BAIAP2L1: variants seen among roughly 807,000 people sequenced by gnomAD.
BAIAP2L1 encodes the protein BAR/IMD domain containing adaptor protein 2 like 1, also known as BAR/IMD domain-containing adapter protein 2-like 1.
Under a neutral mutation model 66.3 loss-of-function variants are expected in BAIAP2L1, and 35 were observed. That is an observed-to-expected ratio of 0.53 (90% confidence interval 0.40 to 0.70). The LOEUF is 0.70. Ranked by LOEUF, BAIAP2L1 falls within the 30% of genes least tolerant of loss-of-function variation. The pLI is 0.00. For synonymous variants in BAIAP2L1, 269 were observed against 248.7 expected, an observed-to-expected ratio of 1.08 and a Z score of -0.77; for missense variants, 622 against 656.9, an observed-to-expected ratio of 0.95 and a Z score of 0.58.
At chr7:98,350,410 C>A (rs1801974987) in intron 3 of BAIAP2L1, among the ~76,000 whole-genome samples, 1 of 152,000 alleles carries the variant, frequency 6.6e-6, no homozygotes, top group African/African-American at 2.4e-5. Flanking sequence ...GTAATCCCAG[C>A]ACTTTGGGAG....
chr7:98,300,697 G>A (rs1237667095), intron 12 of BAIAP2L1, among the ~76,000 whole-genome samples: 1 of 152,090 alleles, frequency 6.6e-6, no homozygotes, highest in Non-Finnish European at 1.5e-5. Flanking sequence ...GCACCACCGT[G>A]AGGTGCGAAG....
At chr7:98,386,455 T>C in intron 1 of BAIAP2L1, 4 of 1,597,252 alleles carry the variant, frequency 2.5e-6, no homozygotes, top group Non-Finnish European at 2.5e-6. Context: ...GTCTTTCCAA[T>C]ATTTCTTATA....
intron 3 of BAIAP2L1, among the ~76,000 whole-genome samples, chr7:98,353,390 TATAA>T (rs1020622276): frequency 9.5e-5 from 13 of 137,122 alleles, no homozygotes; most frequent in African/African-American, 1.9e-4. Flanking sequence ...TTATGTATAT[TATAA>T]ATATACATAA....
chr7:98,307,064 TAACA>T (rs1436378967), intron 10 of BAIAP2L1: 1 of 160,126 alleles, frequency 6.2e-6, no homozygotes, highest in Admixed American at 5.9e-5. Flanking sequence ...TGCTAAACCT[TAACA>T]AAGTATATCT....
intron 3 of BAIAP2L1, among the ~76,000 whole-genome samples, chr7:98,329,934 C>A (rs1399238522): frequency 6.6e-6 from 1 of 152,166 alleles, no homozygotes; most frequent in African/African-American, 2.4e-5. Context: ...GAAGAATTTT[C>A]TTGGGAAAAC....
chr7:98,338,580 A>G (rs1801664699), intron 3 of BAIAP2L1, among the ~76,000 whole-genome samples: 1 of 152,218 alleles, frequency 6.6e-6, no homozygotes, highest in Non-Finnish European at 1.5e-5. Context: ...AAATCATACA[A>G]TAAATAGCCT....
At chr7:98,311,502 T>C (rs75139799) in intron 8 of BAIAP2L1, among the ~76,000 whole-genome samples, 14,519 of 150,762 alleles carry the variant, frequency 0.096, 872 homozygotes, top group South Asian at 0.18. Flanking sequence ...GATTGCGCCA[T>C]TGCACTCCAG....
chr7:98,318,526 G>T (rs957072397), intron 5 of BAIAP2L1, among the ~76,000 whole-genome samples: 2 of 151,414 alleles, frequency 1.3e-5, no homozygotes, highest in Non-Finnish European at 2.9e-5. Flanking sequence ...GGATCCACCC[G>T]CCTTGGCCTC....
chr7:98,368,419 AAAAACAAAAC>A (rs572220483), intron 1 of BAIAP2L1, among the ~76,000 whole-genome samples: 6 of 152,114 alleles, frequency 3.9e-5, no homozygotes, highest in Non-Finnish European at 8.8e-5. Context: ...ACTCCATCTC[AAAAACAAAAC>A]AAAACAAAAC....
At chr7:98,389,634 T>C (rs1802979026) in intron 1 of BAIAP2L1, among the ~76,000 whole-genome samples, 1 of 152,054 alleles carries the variant, frequency 6.6e-6, no homozygotes, top group African/African-American at 2.4e-5. Context: ...CATCTGAGAT[T>C]TCCCCCATAC....
Position 98,319,686 on chromosome 7 carries a change from A to G in BAIAP2L1, c.348+372T>C, listed in dbSNP as rs537385976. ...CTCATCCTCCCGAGTAGCTGGGATG[A>G]CAGGCATGCACCACCATGCTCAGCT... On this transcript the variant is annotated intron_variant, in intron 5 of 13. Coordinates refer to ENST00000005260, the MANE Select transcript of BAIAP2L1 (RefSeq NM_018842.5). Among the ~76,000 whole-genome samples the G allele has an allele frequency of 1.7e-3, 262 of 151,964 alleles. 1 individual carries two copies. Among genetic ancestry groups the G allele is most frequent in the African/African-American group, 6.2e-3 (256 of 41,428 alleles).
At chr7:98,392,941 C>T (rs1803080930) in intron 1 of BAIAP2L1, among the ~76,000 whole-genome samples, 1 of 138,740 alleles carries the variant, frequency 7.2e-6, no homozygotes, top group Admixed American at 7.6e-5. Context: ...TACAGGCACC[C>T]GCCACCACGC....
chr7:98,390,000 C>T (rs1802993233), intron 1 of BAIAP2L1, among the ~76,000 whole-genome samples: 2 of 126,634 alleles, frequency 1.6e-5, no homozygotes, highest in South Asian at 2.2e-4. Flanking sequence ...ACTGCAAGCT[C>T]CGCCTCCCGG....
rs80242370 is a variant in BAIAP2L1, at chr7:98,346,894, C to T, written c.214+8148G>A. On this transcript the variant is annotated intron_variant, in intron 3 of 13. Transcript: ENST00000005260. ...GTTGGCCTTTGTGGCACTGGATGAA[C>T]GGCCACAGGAACTGAGTGAGGCCAA... Among the ~76,000 whole-genome samples, 715 of 152,248 alleles carry T rather than the reference C, an allele frequency of 4.7e-3. 11 individuals are homozygous for T. The highest frequency in any genetic ancestry group is 0.016 in the African/African-American group (666 of 41,544).
intron 1 of BAIAP2L1, 55 bp downstream of exon 1, chr7:98,400,747 C>A: frequency 6.5e-7 from 1 of 1,539,272 alleles, no homozygotes; most frequent in African/African-American, 1.4e-5. Context: ...AAGTCCCCTT[C>A]TGAACCCCGA....
intron 12 of BAIAP2L1, 29 bp downstream of exon 12, chr7:98,304,167 C>T: frequency 6.5e-7 from 1 of 1,538,336 alleles, no homozygotes; most frequent in South Asian, 1.2e-5. Context: ...AGTCCAGGAC[C>T]CAGGACGCCC....
At chr7:98,392,167 TAAA>T (rs5886065) in intron 1 of BAIAP2L1, among the ~76,000 whole-genome samples, 38 of 120,724 alleles carry the variant, frequency 3.1e-4, no homozygotes, top group African/African-American at 4.7e-4. Flanking sequence ...ACCCCCTCGC[TAAA>T]AAAAAAAAAA....
chr7:98,382,636 C>A (rs1004964554), intron 1 of BAIAP2L1, among the ~76,000 whole-genome samples: 3 of 152,110 alleles, frequency 2.0e-5, no homozygotes, highest in Non-Finnish European at 4.4e-5. Context: ...TCCACAGATA[C>A]CATAACTCTA....
intron 9 of BAIAP2L1, chr7:98,308,700 C>CA (rs1562968030): frequency 1.6e-5 from 3 of 184,564 alleles, no homozygotes; most frequent in African/African-American, 7.0e-5. Context: ...ACATTTGAGA[C>CA]AGAGTCTCAC....
Sources: allele counts gnomAD v4.1 joint callset (sites outside exome capture counted in the v4.1 genomes callset), GRCh38; gene constraint gnomAD v4.1.1; transcripts MANE v1.5; gene names NCBI Gene and HGNC (gene_info 2026-07-23, HGNC 2026-07-21).